Variants in IDO2 observed in about 807,000 individuals in gnomAD.
IDO2 encodes the protein indoleamine 2,3-dioxygenase 2.
A neutral mutation model predicts 45.1 loss-of-function variants in IDO2; 46 were observed. The ratio of observed to expected loss-of-function variants is 1.02; its 90% CI spans 0.80 to 1.30. The LOEUF is 1.30. Ranked by LOEUF, IDO2 falls within the 50% of genes most tolerant of loss-of-function variation. The pLI, the probability that IDO2 is intolerant of heterozygous loss-of-function variation, is 0.00. For missense variants in IDO2, 544 were observed against 491.8 expected, an observed-to-expected ratio of 1.11 and a Z score of -1.00; for synonymous variants, 218 against 184.9, an observed-to-expected ratio of 1.18 and a Z score of -1.45.
chr8:39,949,256 G>T, exon 2 of IDO2: 32 of 1,588,556 alleles, frequency 2.0e-5, no homozygotes, highest in Non-Finnish European at 2.7e-5. Context: ...TCTTCTTCCA[G>T]ATTCTCTGGT....
At chr8:39,983,399 C>A (rs1485427945) in intron 5 of IDO2, among the ~76,000 whole-genome samples, 1 of 152,162 alleles carries the variant, frequency 6.6e-6, no homozygotes, top group African/African-American at 2.4e-5. Flanking sequence ...TTTATTTCAG[C>A]TCTAGATGAA....
chr8:40,001,321 C>T (rs1802134364), intron 8 of IDO2, among the ~76,000 whole-genome samples: 1 of 138,926 alleles, frequency 7.2e-6, no homozygotes, highest in African/African-American at 2.8e-5. Context: ...GCGATCTTGG[C>T]TCACCACAAC....
chr8:39,975,630 C>CAGGT lies in IDO2; in HGVS notation c.196-3435_196-3432dup, dbSNP rs1317765202. 5.9e-5 allele frequency among the ~76,000 whole-genome samples: 9 copies of CAGGT among 152,218 alleles called. No individual in the cohort carries two copies. The East Asian group carries it at 1.7e-3, about 29-fold the overall frequency. ...AAAAATGCTTAAAGTCTGGCATGAACAGGTATTGGCAGGAATATAAAACAC... is the reference window on the plus strand; with the variant it reads ...AAAAATGCTTAAAGTCTGGCATGAACAGGTAGGTATTGGCAGGAATATAAAACAC... On this transcript the variant is annotated intron_variant, in intron 3 of 10. Coordinates refer to ENST00000502986, the Ensembl canonical transcript of IDO2.
At chr8:39,939,897 C>T (rs16888382) in intron 1 of IDO2, among the ~76,000 whole-genome samples, 28,069 of 151,998 alleles carry the variant, frequency 0.18, 3,009 homozygotes, top group South Asian at 0.32. Flanking sequence ...TAAATGAGGT[C>T]CTAAAAAGTT....
intron 1 of IDO2, 84 bp from the exon 2 acceptor site, chr8:39,949,065 C>A: frequency 3.9e-6 from 6 of 1,521,364 alleles, no homozygotes; most frequent in South Asian, 3.7e-5. Flanking sequence ...TGAGACACTG[C>A]GCAACTAACT....
At position 39,979,853 on chromosome 8, in the gene IDO2, C is replaced by T. The variant is rs1342598265; in HGVS notation, c.315+667C>T. On this transcript the variant is annotated intron_variant, in intron 4 of 10. Coordinates refer to ENST00000502986, the Ensembl canonical transcript of IDO2. The stretch of plus-strand genomic sequence containing the variant: ...TTTTTGCTTTAAAACAGGGTTGCAC[C>T]ATGTTGCCCAGGCTGGAGTGCAGTG... Among the ~76,000 whole-genome samples the T allele has an allele frequency of 5.3e-5, 8 of 152,132 alleles. No individual in the cohort carries two copies. In the East Asian group the frequency reaches 7.8e-4, roughly 15 times the overall value.
chr8:39,981,960 A>C (rs1808359806), intron 4 of IDO2, among the ~76,000 whole-genome samples: 1 of 152,092 alleles, frequency 6.6e-6, no homozygotes, highest in Non-Finnish European at 1.5e-5. Flanking sequence ...GCTTACTTGA[A>C]GGTATTACTG....
At chr8:39,979,103 C>A in exon 4 of IDO2, 1 of 1,599,594 alleles carries the variant, frequency 6.3e-7, no homozygotes, top group Non-Finnish European at 8.5e-7. Flanking sequence ...GAAGGGTCAC[C>A]GGGAGCAGCG....
intron 9 of IDO2, among the ~76,000 whole-genome samples, chr8:40,009,054 G>A (rs2955888): frequency 0.17 from 25,927 of 151,114 alleles, 2,748 homozygotes; most frequent in East Asian, 0.35. Context: ...TCGCTTTGTC[G>A]CCCAGGCTGG....
At chr8:39,984,647 T>G (rs1423420356) in intron 5 of IDO2, among the ~76,000 whole-genome samples, 1 of 152,108 alleles carries the variant, frequency 6.6e-6, no homozygotes, top group Non-Finnish European at 1.5e-5. Flanking sequence ...AACACAGAGC[T>G]AAGTGCTATG....
At chr8:40,016,308 A>T in exon 11 of IDO2, 1 of 397,718 alleles carries the variant, frequency 2.5e-6, no homozygotes, top group Non-Finnish European at 4.4e-6. Context: ...GAATGAATGG[A>T]TCCTATATAA....
intron 8 of IDO2, among the ~76,000 whole-genome samples, chr8:39,991,428 C>T (rs1801927877): frequency 6.6e-6 from 1 of 152,106 alleles, no homozygotes. Flanking sequence ...CTTCAGATCA[C>T]ATGGATGAGC....
intron 8 of IDO2, chr8:39,998,283 A>G (rs1482011036): frequency 6.6e-6 from 1 of 152,242 alleles, no homozygotes; most frequent in African/African-American, 2.4e-5. Context: ...TCCTAGTGAC[A>G]TGTGCAATCA....
At chr8:39,954,569 G>C (rs1807860434) in intron 2 of IDO2, among the ~76,000 whole-genome samples, 1 of 151,354 alleles carries the variant, frequency 6.6e-6, no homozygotes, top group African/African-American at 2.4e-5. Flanking sequence ...CTTGCTCCTT[G>C]GCTTGTAGAT....
chr8:40,007,019 C>T (rs1345540894), intron 9 of IDO2, among the ~76,000 whole-genome samples: 1 of 152,084 alleles, frequency 6.6e-6, no homozygotes, highest in Non-Finnish European at 1.5e-5. Flanking sequence ...CCTTCCTTGA[C>T]ATGTTTTAAT....
chr8:39,949,339 G>T, intron 2 of IDO2, 75 bp downstream of exon 2: 1 of 1,117,682 alleles, frequency 8.9e-7, no homozygotes, highest in South Asian at 1.5e-5. Flanking sequence ...TTTTAAAAAT[G>T]TATGTGATTA....
chr8:40,010,865 A>G (rs991472038), intron 9 of IDO2, among the ~76,000 whole-genome samples: 1 of 152,200 alleles, frequency 6.6e-6, no homozygotes, highest in African/African-American at 2.4e-5. Flanking sequence ...TGGTCTAGCT[A>G]TCAGTGTAAA....
At chr8:39,953,817 G>A (rs571556907) in intron 2 of IDO2, among the ~76,000 whole-genome samples, 5 of 152,134 alleles carry the variant, frequency 3.3e-5, no homozygotes, top group South Asian at 2.1e-4. Flanking sequence ...CACCCGCCTC[G>A]GCCCTCTGTC....
At chr8:39,941,271 G>A (rs140582935) in intron 1 of IDO2, among the ~76,000 whole-genome samples, 2,025 of 147,104 alleles carry the variant, frequency 0.014, 59 homozygotes, top group African/African-American at 0.048. Flanking sequence ...ACAGGCATGC[G>A]ACAATACTCC....
Sources: allele counts gnomAD v4.1 joint callset (sites outside exome capture counted in the v4.1 genomes callset), GRCh38; gene constraint gnomAD v4.1.1; transcripts MANE v1.5; gene names NCBI Gene and HGNC (gene_info 2026-07-23, HGNC 2026-07-21).